SBF2: variants seen among roughly 807,000 people sequenced by gnomAD.
The protein encoded by SBF2 is myotubularin-related protein 13.
SBF2 carries 112 observed loss-of-function variants against 225.2 expected under a neutral mutation model. The observed-to-expected ratio is 0.50, with a 90% confidence interval of 0.43 to 0.58. The LOEUF (loss-of-function observed/expected upper bound fraction) is 0.58, where lower values mean the gene tolerates loss of function less well. Among genes scored for constraint, SBF2 ranks in the 20% least tolerant of loss-of-function variants. SBF2 has a pLI of 0.00. For missense variants in SBF2, 1,996 were observed against 2,206.2 expected, an observed-to-expected ratio of 0.90 and a Z score of 1.91; for synonymous variants, 763 against 773.3, an observed-to-expected ratio of 0.99 and a Z score of 0.22.
chr11:9,840,395 TA>T (rs1226266565), intron 25 of SBF2, among the ~76,000 whole-genome samples: 3 of 152,118 alleles, frequency 2.0e-5, no homozygotes, highest in African/African-American at 7.2e-5. Flanking sequence ...AAACATAAAT[TA>T]AAAGTGTAAT....
intron 1 of SBF2, among the ~76,000 whole-genome samples, chr11:10,229,990 G>A (rs1475757874): frequency 6.6e-6 from 1 of 152,008 alleles, no homozygotes; most frequent in Non-Finnish European, 1.5e-5. Flanking sequence ...TATGAATCTG[G>A]GTGCTCCTGT....
chr11:10,094,589 G>T (rs1590942262), intron 2 of SBF2, among the ~76,000 whole-genome samples: 1 of 131,158 alleles, frequency 7.6e-6, no homozygotes, highest in Admixed American at 9.2e-5. Context: ...TGCAATCTCT[G>T]CCTCCGAGGT....
intron 16 of SBF2, among the ~76,000 whole-genome samples, chr11:9,918,977 T>C (rs770336283): frequency 3.2e-4 from 48 of 152,158 alleles, no homozygotes; most frequent in Middle Eastern, 3.4e-3. Flanking sequence ...CTCCTGACTT[T>C]GTGATCCGCT....
At chr11:10,045,910 G>C (rs1398318362) in intron 2 of SBF2, among the ~76,000 whole-genome samples, 1 of 152,066 alleles carries the variant, frequency 6.6e-6, no homozygotes, top group Non-Finnish European at 1.5e-5. Flanking sequence ...TCAGCCCTCT[G>C]TATCTGTGGG....
chr11:9,808,450 C>G, intron 31 of SBF2: 1 of 528,882 alleles, frequency 1.9e-6, no homozygotes. Flanking sequence ...TGACAGCAAC[C>G]TTTTCCTAAG....
chr11:10,191,199 G>T (rs1957153918), intron 2 of SBF2, among the ~76,000 whole-genome samples: 1 of 152,066 alleles, frequency 6.6e-6, no homozygotes, highest in Non-Finnish European at 1.5e-5. Flanking sequence ...GACTACACTG[G>T]AAACAACAAA....
At chr11:9,882,599 G>A (rs975635746) in intron 17 of SBF2, among the ~76,000 whole-genome samples, 2 of 151,994 alleles carry the variant, frequency 1.3e-5, no homozygotes, top group African/African-American at 4.8e-5. Flanking sequence ...ACAAAGTCAG[G>A]AGATCGAGAC....
intron 1 of SBF2, among the ~76,000 whole-genome samples, chr11:10,249,788 T>C (rs1960177111): frequency 1.1e-5 from 1 of 91,496 alleles, no homozygotes; most frequent in Non-Finnish European, 2.3e-5. Flanking sequence ...TGGAATGCTA[T>C]GGGGGAGTCC....
Position 10,098,077 on chromosome 11 carries a change from T to C in SBF2, c.142-55096A>G, listed in dbSNP as rs368825650. 1.5e-4 allele frequency among the ~76,000 whole-genome samples: 23 copies of C among 152,216 alleles called. No individual in the cohort carries two copies. The East Asian group carries it at 3.5e-3, about 23-fold the overall frequency. ...CAAGAACATCTCACCTATGGTCCCATCTGCCAACTAGGCTATATGTTCCCC... is the reference window on the plus strand; with the variant it reads ...CAAGAACATCTCACCTATGGTCCCACCTGCCAACTAGGCTATATGTTCCCC... On this transcript the variant is annotated intron_variant, in intron 2 of 39. Transcript: ENST00000256190.
intron 1 of SBF2, among the ~76,000 whole-genome samples, chr11:10,194,715 T>C (rs1281918613): frequency 6.6e-6 from 1 of 152,156 alleles, no homozygotes; most frequent in African/African-American, 2.4e-5. Flanking sequence ...TTCACTATGT[T>C]GGCCAGACTG....
At chr11:10,260,776 G>A (rs1238707644) in intron 1 of SBF2, among the ~76,000 whole-genome samples, 3 of 151,694 alleles carry the variant, frequency 2.0e-5, no homozygotes, top group African/African-American at 7.3e-5. Context: ...ATCTACTCAG[G>A]AGGTTAAGAC....
At chr11:10,066,700 A>C (rs1400252611) in intron 2 of SBF2, among the ~76,000 whole-genome samples, 1 of 152,204 alleles carries the variant, frequency 6.6e-6, no homozygotes, top group Non-Finnish European at 1.5e-5. Context: ...TTTTCCACTA[A>C]GATCAGAAAC....
intron 13 of SBF2, 28 bp downstream of exon 13, chr11:9,989,469 G>T (rs959339735): frequency 7.6e-7 from 1 of 1,319,664 alleles, no homozygotes; most frequent in Non-Finnish European, 1.1e-6. Context: ...TAAAATTAAT[G>T]ACTGTCTAAA....
chr11:10,129,824 C>T (rs1305805990), intron 2 of SBF2, among the ~76,000 whole-genome samples: 2 of 151,840 alleles, frequency 1.3e-5, no homozygotes, highest in Non-Finnish European at 1.5e-5. Context: ...GGCAACATAG[C>T]GAGACCCCCA....
In SBF2 at chr11:10,001,001, G is replaced by T. The variant is rs887509504; in HGVS notation, c.774C>A (p.Leu258=). 9.5e-6 allele frequency: 15 copies of T among 1,585,214 alleles called. No homozygotes were observed. In the African/African-American group the frequency reaches 1.7e-4, roughly 18 times the overall value. The stretch of plus-strand genomic sequence containing the variant: ...TTAGAACTTCCAGTAGCTGAGCCGG[G>T]AGAATAGGGATATAAGGATAACTGG... The part of the protein sequence containing the change: ...LKYSYPYIPI[L]PAQLLEVLSS... Residue 258 remains leucine, a synonymous_variant, in exon 8 of 40, where the codon CTC becomes CTA. Coordinates refer to ENST00000256190, the MANE Select transcript of SBF2 (RefSeq NM_030962.4).
intron 2 of SBF2, among the ~76,000 whole-genome samples, chr11:10,081,908 C>A (rs1951382890): frequency 6.6e-6 from 1 of 150,572 alleles, no homozygotes; most frequent in South Asian, 2.1e-4. Context: ...AAATTGAGAC[C>A]AAAAAAATAA....
chr11:10,303,457 T>C lies in SBF2; in HGVS notation n.386+1035A>G. ...TGAGTCCCGAGAGTGAAAAGGCAGC[T>C]AAGCCAGCAGTGCGCGGCCCAGACA... On this transcript the variant is annotated intron_variant and non_coding_transcript_variant, in intron 1 of 5. Transcript: ENST00000685217. This position sits in a 1 kb window ranked among gnomAD's most constrained non-coding sequence, Gnocchi z 5.2. 1 of 152,386 alleles carries C rather than the reference T, an allele frequency of 6.6e-6. No individual in the cohort carries two copies. The highest frequency in any genetic ancestry group is 1.5e-5 in the Non-Finnish European group (1 of 68,086). The allele number at this position is 152,386 out of a possible 1,614,324, so 9.4% of individuals were successfully genotyped here.
At chr11:10,093,021 C>G (rs960718959) in intron 2 of SBF2, among the ~76,000 whole-genome samples, 1 of 145,376 alleles carries the variant, frequency 6.9e-6, no homozygotes, top group Non-Finnish European at 1.5e-5. Flanking sequence ...TTCCTTCTTT[C>G]TTTTTTTTTT....
chr11:10,205,343 G>A (rs1015667338), intron 1 of SBF2, among the ~76,000 whole-genome samples: 2 of 151,810 alleles, frequency 1.3e-5, no homozygotes, highest in Non-Finnish European at 2.9e-5. Flanking sequence ...CAGACACAAT[G>A]GTATAGACTC....
Sources: gnomAD v4.1 joint callset for allele counts (sites outside exome capture counted in the v4.1 genomes callset) on GRCh38, gnomAD v4.1.1 for gene constraint, Gnocchi (gnomAD v3.1) non-coding constraint, MANE v1.5 for transcripts, NCBI Gene and HGNC (gene_info 2026-07-23, HGNC 2026-07-21) for gene names.